The following TRERF1 variants were observed in gnomAD, a reference collection of about 807,000 sequenced individuals.
TRERF1 encodes transcriptional regulating factor 1.
TRERF1 carries 27 observed loss-of-function variants against 122.9 expected under a neutral mutation model. That is an observed-to-expected ratio of 0.22 (90% CI 0.16 to 0.30). TRERF1 has a LOEUF of 0.30. TRERF1 is among the 10% of genes least tolerant of loss of function. The pLI is 1.00. For missense variants in TRERF1, 1,248 were observed against 1,560.3 expected (o/e 0.80, Z 3.37); for synonymous variants, 636 against 641.7 (o/e 0.99, Z 0.13).
At chr6:42,236,131 T>A in intron 16 of TRERF1, 74 bp downstream of exon 16, 1 of 1,494,968 alleles carries the variant, frequency 6.7e-7, no homozygotes, top group Non-Finnish European at 8.9e-7. Flanking sequence ...CGAAAATACA[T>A]CATCTCTTAA....
chr6:42,228,342 G>A lies in TRERF1; in HGVS notation c.*3C>T. ...TCACTGTCTCTAAGTGACACACAGG[G>A]CTTTATAGTTCTGCGTCACCCTGAA... On this transcript the variant is annotated 3_prime_UTR_variant, in exon 18 of 18. Transcript: ENST00000372922. This position sits in a 1 kb window ranked among gnomAD's most constrained non-coding sequence, Gnocchi z 4.2. 6.2e-7 allele frequency: 1 copy of A among 1,607,786 alleles called. No homozygotes were observed. Among genetic ancestry groups the A allele is most frequent in the Non-Finnish European group, 8.5e-7 (1 of 1,176,126 alleles).
At position 42,325,157 on chromosome 6, in the gene TRERF1, C is replaced by T. The variant is rs145594854; in HGVS notation, c.-370-24408G>A. ...GGCCAAAAAGCATATGAAAAAAATG[C>T]TCAACATCGCTAATCATCACAGAAA... On this transcript the variant is annotated intron_variant, in intron 3 of 17. Coordinates refer to ENST00000372922, the Ensembl canonical transcript of TRERF1. 5.7e-3 allele frequency among the ~76,000 whole-genome samples: 872 copies of T among 152,292 alleles called. 10 individuals are homozygous for T. Among genetic ancestry groups the T allele is most frequent in the African/African-American group, 0.02 (831 of 41,558 alleles).
chr6:42,427,528 G>A (rs550619864), intron 2 of TRERF1, among the ~76,000 whole-genome samples: 1 of 150,746 alleles, frequency 6.6e-6, no homozygotes, highest in East Asian at 2.0e-4. Flanking sequence ...TGGGATTACA[G>A]GTGTGAGCCA....
intron 2 of TRERF1, among the ~76,000 whole-genome samples, chr6:42,374,834 C>A (rs544674681): frequency 1.3e-5 from 2 of 151,742 alleles, no homozygotes; most frequent in African/African-American, 4.8e-5. Context: ...ATGGTAAAAC[C>A]CTGTCTCTAC....
intron 2 of TRERF1, among the ~76,000 whole-genome samples, chr6:42,420,746 T>A (rs2151553406): frequency 6.6e-6 from 1 of 152,294 alleles, no homozygotes; most frequent in Non-Finnish European, 1.5e-5. Flanking sequence ...ACCCAGGAGT[T>A]GGGATTGACT....
At chr6:42,292,142 G>A (rs563848129) in intron 4 of TRERF1, among the ~76,000 whole-genome samples, 26 of 152,320 alleles carry the variant, frequency 1.7e-4, no homozygotes, top group East Asian at 7.7e-4. Context: ...GGGAGGACTC[G>A]AGCAGTCTCA....
chr6:42,289,467 C>A (rs183458538), intron 4 of TRERF1, among the ~76,000 whole-genome samples: 50 of 152,102 alleles, frequency 3.3e-4, no homozygotes, highest in African/African-American at 1.2e-3. Context: ...ATATTCCGGG[C>A]TTTGCTGCCA....
chr6:42,418,618 A>G (rs894750223), intron 2 of TRERF1, among the ~76,000 whole-genome samples: 21 of 151,806 alleles, frequency 1.4e-4, no homozygotes, highest in Non-Finnish European at 2.4e-4. Flanking sequence ...TGGTGCAGGG[A>G]CTGTGCTTTG....
chr6:42,411,908 C>T (rs1362921944), intron 2 of TRERF1, among the ~76,000 whole-genome samples: 1 of 152,110 alleles, frequency 6.6e-6, no homozygotes, highest in East Asian at 1.9e-4. Context: ...ACGGCTGGAC[C>T]AGATGGCTTC....
At chr6:42,438,046 C>G (rs572330101) in intron 2 of TRERF1, among the ~76,000 whole-genome samples, 2 of 151,806 alleles carry the variant, frequency 1.3e-5, no homozygotes, top group African/African-American at 4.8e-5. Flanking sequence ...CCCAGCCTCC[C>G]GAGCAGCTGG....
At chr6:42,231,013 G>C (rs577821022) in intron 17 of TRERF1, among the ~76,000 whole-genome samples, 1 of 152,228 alleles carries the variant, frequency 6.6e-6, no homozygotes, top group Non-Finnish European at 1.5e-5. Context: ...CTATTTTAAA[G>C]ATTAATCAGT....
rs185428786 is a variant in TRERF1, at chr6:42,255,691, C to A, written c.2581-765G>T. On this transcript the variant is annotated intron_variant, in intron 12 of 17. Transcript: ENST00000372922. Reference sequence around the variant, plus strand: ...CAAAGGGTTAAGGACAGTTCTCCAGCATTCTAGGAAATACTTGAAGGGTAT... The same window carrying A: ...CAAAGGGTTAAGGACAGTTCTCCAGAATTCTAGGAAATACTTGAAGGGTAT... Among the ~76,000 whole-genome samples, 4 of 152,308 alleles carry A rather than the reference C, an allele frequency of 2.6e-5. No individual in the cohort carries two copies. In the East Asian group the frequency reaches 7.7e-4, roughly 29 times the overall value.
chr6:42,382,656 C>A (rs1776136076), intron 2 of TRERF1, among the ~76,000 whole-genome samples: 1 of 151,984 alleles, frequency 6.6e-6, no homozygotes, highest in Non-Finnish European at 1.5e-5. Context: ...AAAGAGTGTC[C>A]AAAATGTCTG....
At chr6:42,340,595 C>T (rs547311028) in intron 3 of TRERF1, among the ~76,000 whole-genome samples, 2 of 152,164 alleles carry the variant, frequency 1.3e-5, no homozygotes, top group East Asian at 3.9e-4. Context: ...GAAAACTCCT[C>T]AATTTATTTT....
intron 4 of TRERF1, among the ~76,000 whole-genome samples, chr6:42,289,891 C>T (rs903032352): frequency 1.2e-4 from 18 of 152,114 alleles, no homozygotes; most frequent in African/African-American, 4.1e-4. Flanking sequence ...GTGAACCTGA[C>T]AGGATTAATG....
chr6:42,387,987 T>C (rs1434810370), intron 2 of TRERF1, among the ~76,000 whole-genome samples: 2 of 152,108 alleles, frequency 1.3e-5, no homozygotes, highest in Admixed American at 6.5e-5. Flanking sequence ...TTTACATTTT[T>C]AGTAAAGACA....
At chr6:42,436,814 A>AAAAAAAATATAT (rs61427173) in intron 2 of TRERF1, among the ~76,000 whole-genome samples, 5 of 66,684 alleles carry the variant, frequency 7.5e-5, no homozygotes, top group African/African-American at 2.6e-4. Context: ...AAAAAAAAAA[A>AAAAAAAATATAT]ATATATATAT....
chr6:42,244,764 C>T (rs770220621), intron 14 of TRERF1, among the ~76,000 whole-genome samples: 17 of 152,176 alleles, frequency 1.1e-4, no homozygotes, highest in Admixed American at 2.0e-4. Flanking sequence ...GAATATAAGG[C>T]AAAAGTTATG....
intron 3 of TRERF1, among the ~76,000 whole-genome samples, chr6:42,308,126 C>T (rs1399473229): frequency 6.6e-6 from 1 of 152,136 alleles, no homozygotes; most frequent in Non-Finnish European, 1.5e-5. Context: ...GTATATACCC[C>T]ACATCACCGA....
Sources: gnomAD v4.1 joint callset for allele counts (sites outside exome capture counted in the v4.1 genomes callset) on GRCh38, gnomAD v4.1.1 for gene constraint, Gnocchi (gnomAD v3.1) non-coding constraint, MANE v1.5 for transcripts, NCBI Gene and HGNC (gene_info 2026-07-23, HGNC 2026-07-21) for gene names.